ASDURF: variants seen among roughly 807,000 people sequenced by gnomAD.
The protein encoded by ASDURF is ASDURF protein.
In ASDURF, 3 loss-of-function variants were observed where a neutral mutation model predicts 3.3. The observed-to-expected ratio is 0.92, with a 90% CI of 0.42 to 2.37. The LOEUF is 2.37. Ranked by LOEUF, ASDURF falls within the 30% of genes most tolerant of loss-of-function variation. The pLI is 0.05. For missense variants in ASDURF, 23 were observed against 25.4 expected (o/e 0.90, Z 0.21); for synonymous variants, 11 against 8.3 (o/e 1.32, Z -0.55).
Position 189,665,404 on chromosome 2 carries a change from A to G in ASDURF, c.173A>G (p.Asn58Ser). 3 of 397,778 alleles carry G rather than the reference A, an allele frequency of 7.5e-6. No individual in the cohort carries two copies. Among genetic ancestry groups the G allele is most frequent in the East Asian group, 3.6e-5 (1 of 27,958 alleles). 24.6% of individuals were successfully genotyped at this position (397,778 alleles called of 1,614,324 possible). ...GTATATAGGCAACAACAGAACAGCA[A>G]TATATTCTTTCTTGCAGACCGAACA... Reference protein sequence around the residue: ...RKVYRQQQNSNIFFLADRTEM... With the variant: ...RKVYRQQQNSSIFFLADRTEM... The change falls in exon 3 of 4, where the codon AAT (asparagine) becomes AGT (serine). Residue 58 changes from asparagine to serine, a missense_variant. Physicochemically the swap from Asn to Ser is conservative, Grantham distance 46. Coordinates refer to ENST00000607829, the MANE Select transcript of ASDURF (RefSeq NM_001353493.2).
intron 1 of ASDURF, among the ~76,000 whole-genome samples, chr2:189,662,183 A>G (rs541044114): frequency 6.6e-6 from 1 of 152,326 alleles, no homozygotes; most frequent in East Asian, 1.9e-4. Flanking sequence ...TGGTCCTAAA[A>G]CACGCATTGG....
chr2:189,662,094 C>G (rs1430359228), intron 1 of ASDURF, among the ~76,000 whole-genome samples: 1 of 152,176 alleles, frequency 6.6e-6, no homozygotes, highest in African/African-American at 2.4e-5. Context: ...CTATCGGGAC[C>G]CCTGCCCCCG....
intron 1 of ASDURF, among the ~76,000 whole-genome samples, chr2:189,662,236 A>T (rs1191464126): frequency 6.6e-6 from 1 of 152,200 alleles, no homozygotes; most frequent in Non-Finnish European, 1.5e-5. Context: ...AAGCCAATAT[A>T]ATATAAGCCT....
At chr2:189,664,223 A>G (rs112922585) in intron 2 of ASDURF, among the ~76,000 whole-genome samples, 3 of 152,292 alleles carry the variant, frequency 2.0e-5, no homozygotes, top group African/African-American at 7.2e-5. Flanking sequence ...AGCTATAATC[A>G]CTAATGATGT....
At chr2:189,664,990 G>C (rs1263991614) in intron 2 of ASDURF, among the ~76,000 whole-genome samples, 1 of 152,154 alleles carries the variant, frequency 6.6e-6, no homozygotes, top group Non-Finnish European at 1.5e-5. Flanking sequence ...TTGAAGCTGA[G>C]CAAATAAACT....
In ASDURF at chr2:189,666,126, C is replaced by G; in HGVS notation, c.*15C>G. 1 of 1,531,318 alleles carries G rather than the reference C, an allele frequency of 6.5e-7. No individual in the cohort carries two copies. The allele number at this position is 1,531,318 out of a possible 1,614,324, so 94.9% of individuals were successfully genotyped here. A position where few individuals can be genotyped will look rare whatever the true frequency, so the allele number is the denominator to read the frequency against. On this transcript the variant is annotated 3_prime_UTR_variant, in exon 4 of 4. Coordinates refer to ENST00000607829, the MANE Select transcript of ASDURF (RefSeq NM_001353493.2). ...TCAAGAAATAGTCAACCTGATTTCACATAACAATGTGTGGCATTTGTTGTT... is the reference window on the plus strand; with the variant it reads ...TCAAGAAATAGTCAACCTGATTTCAGATAACAATGTGTGGCATTTGTTGTT...
intron 1 of ASDURF, among the ~76,000 whole-genome samples, chr2:189,662,140 T>G (rs2032681124): frequency 6.6e-6 from 1 of 152,202 alleles, no homozygotes; most frequent in Non-Finnish European, 1.5e-5. Flanking sequence ...CTCATCCACC[T>G]GTTAGCTGCT....
intron 3 of ASDURF, 70 bp from the exon 4 acceptor site, chr2:189,665,971 C>G: frequency 1.5e-6 from 1 of 678,994 alleles, no homozygotes; most frequent in East Asian, 2.9e-5. Flanking sequence ...TTGTGTTGCC[C>G]TCTGAATTGC....
At chr2:189,662,777 C>T (rs1217611634) in intron 1 of ASDURF, among the ~76,000 whole-genome samples, 1 of 151,834 alleles carries the variant, frequency 6.6e-6, no homozygotes, top group Non-Finnish European at 1.5e-5. Context: ...TTAGTTGAGC[C>T]CTCCCCTACA....
In ASDURF at chr2:189,666,392, C is replaced by G; in HGVS notation, c.*281C>G. 6.2e-7 allele frequency: 1 copy of G among 1,613,994 alleles called. No homozygotes were observed. The highest frequency in any genetic ancestry group is 2.2e-5 in the East Asian group (1 of 44,872). On this transcript the variant is annotated 3_prime_UTR_variant, in exon 4 of 4. Coordinates refer to ENST00000607829, the MANE Select transcript of ASDURF (RefSeq NM_001353493.2). ...ATTTTTAGTGGAATAAAGGTTGAAG[C>G]TGAAGAGAATGACACTCAAATTTTG...
chr2:189,665,085 C>T (rs935035139), intron 2 of ASDURF, among the ~76,000 whole-genome samples: 22 of 152,126 alleles, frequency 1.4e-4, no homozygotes, highest in African/African-American at 4.8e-5. Flanking sequence ...TAAAAGAACA[C>T]TTACTGATAA....
chr2:189,661,492 C>G lies in ASDURF; in HGVS notation c.-29C>G. On this transcript the variant is annotated 5_prime_UTR_variant, in exon 1 of 4. Coordinates refer to ENST00000607829, the MANE Select transcript of ASDURF (RefSeq NM_001353493.2). ...TGCCGTAGGCTCCTTCAGGGCTGAG[C>G]CATCCCGCGTGTCTTGCGCTCGGTG... 2.5e-6 allele frequency: 1 copy of G among 399,254 alleles called. No individual in the cohort carries two copies. Among genetic ancestry groups the G allele is most frequent in the East Asian group, 3.6e-5 (1 of 28,084 alleles). The allele number at this position is 399,254 out of a possible 1,614,324, so 24.7% of individuals were successfully genotyped here. A position where few individuals can be genotyped will look rare whatever the true frequency, so the allele number is the denominator to read the frequency against.
At position 189,664,815 on chromosome 2, in the gene ASDURF, T is replaced by C. The variant is rs574129402; in HGVS notation, c.145-561T>C. Among the ~76,000 whole-genome samples the C allele has an allele frequency of 1.5e-3, 140 of 94,234 alleles. 1 individual carries two copies. The highest frequency in any genetic ancestry group is 3.8e-3 in the African/African-American group (137 of 35,588). 61.8% of individuals were successfully genotyped at this position (94,234 alleles called of 152,430 possible). A position where few individuals can be genotyped will look rare whatever the true frequency, so the allele number is the denominator to read the frequency against. On this transcript the variant is annotated intron_variant, in intron 2 of 3. Coordinates refer to ENST00000607829, the MANE Select transcript of ASDURF (RefSeq NM_001353493.2). ...CTCTAGAGGGCAAATTGGCAAAAAGTCTCAACAATTCAAAACTATAACACT... is the reference window on the plus strand; with the variant it reads ...CTCTAGAGGGCAAATTGGCAAAAAGCCTCAACAATTCAAAACTATAACACT...
intron 1 of ASDURF, among the ~76,000 whole-genome samples, chr2:189,663,239 A>AT (rs1306867009): frequency 5.5e-5 from 8 of 146,256 alleles, no homozygotes; most frequent in South Asian, 2.1e-4. Context: ...ATATATATAT[A>AT]TTTTTTAAAT....
In ASDURF at chr2:189,665,152, TAAG is replaced by T. The variant is rs1471592543; in HGVS notation, c.145-221_145-219del. 5.3e-5 allele frequency among the ~76,000 whole-genome samples: 8 copies of T among 152,296 alleles called. 1 individual carries two copies. The East Asian group carries it at 1.5e-3, about 29-fold the overall frequency. On this transcript the variant is annotated intron_variant, in intron 2 of 3. Coordinates refer to ENST00000607829, the MANE Select transcript of ASDURF (RefSeq NM_001353493.2). ...TAAAAGCATAAATCTGCAGGTACAG[TAAG>T]AACCTTTTTTGTTAAAATGGAGAGA...
chr2:189,666,120 A>G lies in ASDURF; in HGVS notation c.*9A>G, dbSNP rs150460673. The stretch of plus-strand genomic sequence containing the variant: ...CCAAAATCAAGAAATAGTCAACCTG[A>G]TTTCACATAACAATGTGTGGCATTT... On this transcript the variant is annotated 3_prime_UTR_variant, in exon 4 of 4. Coordinates refer to ENST00000607829, the MANE Select transcript of ASDURF (RefSeq NM_001353493.2). The G allele has an allele frequency of 9.1e-4, 1,386 of 1,518,790 alleles. 19 individuals carry two copies. In the African/African-American group the frequency reaches 0.017, roughly 19 times the overall value. 94.1% of individuals were successfully genotyped at this position (1,518,790 alleles called of 1,614,324 possible). A position where few individuals can be genotyped will look rare whatever the true frequency, so the allele number is the denominator to read the frequency against.
intron 2 of ASDURF, among the ~76,000 whole-genome samples, chr2:189,664,412 C>T (rs921701595): frequency 6.6e-6 from 1 of 152,136 alleles, no homozygotes; most frequent in African/African-American, 2.4e-5. Context: ...TTATTTAATG[C>T]CATTTCCATT....
At position 189,665,403 on chromosome 2, in the gene ASDURF, A is replaced by C. The variant is rs148109339; in HGVS notation, c.172A>C (p.Asn58His). 2.7e-3 allele frequency: 1,088 copies of C among 397,746 alleles called. 18 individuals carry two copies. The highest frequency in any genetic ancestry group is 0.02 in the African/African-American group (961 of 48,536). 24.6% of individuals were successfully genotyped at this position (397,746 alleles called of 1,614,324 possible). A position where few individuals can be genotyped will look rare whatever the true frequency, so the allele number is the denominator to read the frequency against. ...AGTATATAGGCAACAACAGAACAGC[A>C]ATATATTCTTTCTTGCAGACCGAAC... Reference protein sequence around the residue: ...RKVYRQQQNSNIFFLADRTEM... With the variant: ...RKVYRQQQNSHIFFLADRTEM... Residue 58 changes from asparagine (N) to histidine (H), a missense_variant, in exon 3 of 4, where the codon AAT becomes CAT. By Grantham distance (68) the Asn-to-His change is moderately conservative. Coordinates refer to ENST00000607829, the MANE Select transcript of ASDURF (RefSeq NM_001353493.2).
Position 189,664,918 on chromosome 2 carries a change from A to T in ASDURF, c.145-458A>T, listed in dbSNP as rs190263546. On this transcript the variant is annotated intron_variant, in intron 2 of 3. Transcript: ENST00000607829. ...AGTGCACAAAGATTTAGTTACAAAG[A>T]TAATCATCACAACCTTGATTTACAA... 5.3e-5 allele frequency among the ~76,000 whole-genome samples: 8 copies of T among 152,348 alleles called. No homozygotes were observed. In the East Asian group the frequency reaches 1.5e-3, roughly 29 times the overall value.
Sources: gnomAD v4.1 joint callset for allele counts (sites outside exome capture counted in the v4.1 genomes callset) on GRCh38, gnomAD v4.1.1 for gene constraint, MANE v1.5 for transcripts, NCBI Gene and HGNC (gene_info 2026-07-23, HGNC 2026-07-21) for gene names.